CNBD1: variants seen among roughly 807,000 people sequenced by gnomAD.
The protein encoded by CNBD1 is cyclic nucleotide-binding domain-containing protein 1.
CNBD1 carries 71 observed loss-of-function variants against 54.4 expected under a neutral mutation model. The ratio of observed to expected loss-of-function variants is 1.30; its 90% CI spans 1.08 to 1.59. The LOEUF is 1.59. Among genes scored for constraint, CNBD1 ranks in the 40% most tolerant of loss-of-function variants. CNBD1 has a pLI of 0.00. For missense variants in CNBD1, 659 were observed against 518.0 expected, an observed-to-expected ratio of 1.27 and a Z score of -2.64; for synonymous variants, 182 against 170.7, an observed-to-expected ratio of 1.07 and a Z score of -0.51.
chr8:87,286,972 A>G (rs1377803492), intron 8 of CNBD1, among the ~76,000 whole-genome samples: 1 of 152,134 alleles, frequency 6.6e-6, no homozygotes, highest in Non-Finnish European at 1.5e-5. Flanking sequence ...ACTGAAAAGG[A>G]TAAATACTAG....
chr8:86,961,323 C>G (rs952863259), intron 4 of CNBD1, among the ~76,000 whole-genome samples: 1 of 152,180 alleles, frequency 6.6e-6, no homozygotes, highest in Admixed American at 6.5e-5. Context: ...TTTTTAAAAG[C>G]CAAACTTCCC....
At chr8:86,920,684 T>C (rs1421126973) in intron 3 of CNBD1, among the ~76,000 whole-genome samples, 1 of 152,168 alleles carries the variant, frequency 6.6e-6, no homozygotes, top group Non-Finnish European at 1.5e-5. Context: ...AAATTGCCAG[T>C]CATACCAAAA....
chr8:87,405,298 C>G (rs1287860894), intron 2 of CNBD1, among the ~76,000 whole-genome samples: 1 of 151,930 alleles, frequency 6.6e-6, no homozygotes, highest in Non-Finnish European at 1.5e-5. Context: ...ATATGGTAAA[C>G]TTTAATATTT....
intron 5 of CNBD1, among the ~76,000 whole-genome samples, chr8:87,211,703 C>T (rs1814102188): frequency 6.6e-6 from 1 of 152,164 alleles, no homozygotes; most frequent in African/African-American, 2.4e-5. Flanking sequence ...CTTGAGGCTT[C>T]CTCAGAAGCT....
chr8:87,371,158 G>T (rs1281310232), intron 10 of CNBD1, among the ~76,000 whole-genome samples: 1 of 151,818 alleles, frequency 6.6e-6, no homozygotes, highest in African/African-American at 2.4e-5. Flanking sequence ...AAGTCAGGTA[G>T]TGTGATGCCT....
At chr8:87,234,782 A>G (rs1807538103) in intron 5 of CNBD1, among the ~76,000 whole-genome samples, 1 of 152,178 alleles carries the variant, frequency 6.6e-6, no homozygotes, top group Non-Finnish European at 1.5e-5. Flanking sequence ...GCATGTCACC[A>G]TCACGAGCTG....
rs1813379612 is a variant in CNBD1, at chr8:87,182,585, T to C, written c.432-23408T>C. Among the ~76,000 whole-genome samples, 1 of 152,142 alleles carries C rather than the reference T, an allele frequency of 6.6e-6. No individual in the cohort carries two copies. Among genetic ancestry groups the C allele is most frequent in the Admixed American group, 6.5e-5 (1 of 15,274 alleles). On this transcript the variant is annotated intron_variant, in intron 4 of 10. Transcript: ENST00000518476. This position sits in a 1 kb window ranked among gnomAD's most constrained non-coding sequence, Gnocchi z 4.1. The stretch of plus-strand genomic sequence containing the variant: ...TTTTTGACTTTTTAATGATAGCCAT[T>C]CTGACTGATACGAGATGGTATCTCA...
chr8:86,931,327 A>G (rs4513992), intron 3 of CNBD1, among the ~76,000 whole-genome samples: 129,564 of 152,136 alleles, frequency 0.85, 55,264 homozygotes, highest in East Asian at 0.96. Context: ...ATGAGCTGGC[A>G]CTTGCCCTGA....
chr8:87,187,144 T>A (rs981146719), intron 4 of CNBD1, among the ~76,000 whole-genome samples: 1 of 152,120 alleles, frequency 6.6e-6, no homozygotes, highest in African/African-American at 2.4e-5. Context: ...AAGGCAACAT[T>A]TTTATATTGA....
chr8:87,065,865 C>G (rs1563455437), intron 4 of CNBD1, among the ~76,000 whole-genome samples: 1 of 151,962 alleles, frequency 6.6e-6, no homozygotes, highest in East Asian at 1.9e-4. Context: ...CACTGTAGCT[C>G]TAAAGTCCAT....
At chr8:86,981,471 A>G (rs974590807) in intron 4 of CNBD1, among the ~76,000 whole-genome samples, 6 of 152,208 alleles carry the variant, frequency 3.9e-5, no homozygotes, top group African/African-American at 7.2e-5. Flanking sequence ...TATAATTTAT[A>G]TAAAGTGAAA....
intron 4 of CNBD1, among the ~76,000 whole-genome samples, chr8:87,185,584 G>A (rs1289050639): frequency 6.6e-6 from 1 of 151,980 alleles, no homozygotes; most frequent in East Asian, 1.9e-4. Flanking sequence ...ACTCATATGT[G>A]GTCTATCCTA....
At chr8:87,237,205 T>C (rs569905871) in intron 6 of CNBD1, 93 bp downstream of exon 6, 2 of 643,404 alleles carry the variant, frequency 3.1e-6, no homozygotes, top group South Asian at 5.5e-5. Flanking sequence ...CCAATATCTT[T>C]AGAGTCCTGA....
intron 4 of CNBD1, among the ~76,000 whole-genome samples, chr8:87,199,869 CT>C (rs1813817181): frequency 6.6e-6 from 1 of 152,038 alleles, no homozygotes; most frequent in African/African-American, 2.4e-5. Context: ...GTAAATAACA[CT>C]TATAACAAAA....
intron 4 of CNBD1, among the ~76,000 whole-genome samples, chr8:87,091,004 G>T (rs1163458077): frequency 2.0e-5 from 3 of 151,996 alleles, no homozygotes; most frequent in African/African-American, 7.2e-5. Context: ...GCCGGGCATG[G>T]TGCTGGGCAC....
At chr8:87,051,735 G>T (rs1489881319) in intron 4 of CNBD1, among the ~76,000 whole-genome samples, 2 of 152,152 alleles carry the variant, frequency 1.3e-5, no homozygotes, top group Non-Finnish European at 2.9e-5. Flanking sequence ...ACCCTGGGTG[G>T]ACCAGGTGTT....
intron 2 of CNBD1, among the ~76,000 whole-genome samples, chr8:87,403,643 T>C (rs1223387617): frequency 6.6e-6 from 1 of 151,986 alleles, no homozygotes; most frequent in Non-Finnish European, 1.5e-5. Context: ...AGGGAGGCAC[T>C]CATTAAAGGG....
At position 86,973,427 on chromosome 8, in the gene CNBD1, G is replaced by A. The variant is rs77758976; in HGVS notation, c.431+33673G>A. Reference sequence around the variant, plus strand: ...AAAGTTGTACTTTTGTTATTAAACTGGAATCTCTGTAAAGGATGTGGCCTT... The same window carrying A: ...AAAGTTGTACTTTTGTTATTAAACTAGAATCTCTGTAAAGGATGTGGCCTT... On this transcript the variant is annotated intron_variant, in intron 4 of 10. Transcript: ENST00000518476. Among the ~76,000 whole-genome samples, 96 of 152,224 alleles carry A rather than the reference G, an allele frequency of 6.3e-4. No homozygotes were observed. In the East Asian group the frequency reaches 0.018, roughly 28 times the overall value.
At chr8:87,017,290 G>T (rs991780546) in intron 4 of CNBD1, among the ~76,000 whole-genome samples, 1 of 152,078 alleles carries the variant, frequency 6.6e-6, no homozygotes, top group East Asian at 1.9e-4. Context: ...TATCTAACTG[G>T]GAATGTTTTC....
Sources: gnomAD v4.1 joint callset for allele counts (sites outside exome capture counted in the v4.1 genomes callset) on GRCh38, gnomAD v4.1.1 for gene constraint, Gnocchi (gnomAD v3.1) non-coding constraint, MANE v1.5 for transcripts, NCBI Gene and HGNC (gene_info 2026-07-23, HGNC 2026-07-21) for gene names.